The following GNPAT variants were observed in gnomAD, a reference collection of about 807,000 sequenced individuals.
GNPAT encodes glyceronephosphate O-acyltransferase.
In GNPAT, 30 loss-of-function variants were observed where a neutral mutation model predicts 78.4. The observed-to-expected ratio is 0.38, with a 90% CI of 0.29 to 0.52. The LOEUF (loss-of-function observed/expected upper bound fraction) is 0.52, where lower values mean the gene tolerates loss of function less well. Among genes scored for constraint, GNPAT ranks in the 20% least tolerant of loss-of-function variants. The pLI is 0.84. For synonymous variants in GNPAT, 271 were observed against 281.1 expected (o/e 0.96, Z 0.36); for missense variants, 714 against 812.2 (o/e 0.88, Z 1.47).
In GNPAT at chr1:231,265,800, A is replaced by G. The variant is rs761840137; in HGVS notation, c.772+13A>G. ...ACTCCTAAATTTGGTAGGTCACTAC[A>G]GATTAAAAGGAAAAATACAAACCCA... On this transcript the variant is annotated intron_variant, in intron 6 of 15. Coordinates refer to ENST00000366647, the MANE Select transcript of GNPAT (RefSeq NM_014236.4). The G allele has an allele frequency of 4.6e-6, 7 of 1,513,996 alleles. No individual in the cohort carries two copies. In the South Asian group the frequency reaches 7.9e-5, roughly 17 times the overall value. 93.8% of individuals were successfully genotyped at this position (1,513,996 alleles called of 1,614,324 possible). A position where few individuals can be genotyped will look rare whatever the true frequency, so the allele number is the denominator to read the frequency against.
At chr1:231,249,074 C>T (rs974281667) in intron 1 of GNPAT, among the ~76,000 whole-genome samples, 8 of 152,154 alleles carry the variant, frequency 5.3e-5, no homozygotes, top group Non-Finnish European at 1.2e-4. Context: ...CTTCCACTCC[C>T]AGGACCACTA....
intron 10 of GNPAT, 82 bp downstream of exon 10, chr1:231,271,082 G>A: frequency 6.8e-7 from 1 of 1,464,640 alleles, no homozygotes. Flanking sequence ...TTGAAGCCTT[G>A]TAATGTTCAG....
chr1:231,275,514 G>A lies in GNPAT; in HGVS notation c.1937+16G>A. ...AGAAGAAGATGTAAGTACTGTACAA[G>A]ATCCCATGAGTGCTCAAGGAACAAG... is the stretch of plus-strand genomic sequence containing the variant. On this transcript the variant is annotated intron_variant, in intron 14 of 15. Transcript: ENST00000366647. The A allele has an allele frequency of 7.4e-7, 1 of 1,358,672 alleles. No individual in the cohort carries two copies. The highest frequency in any genetic ancestry group is 1.1e-6 in the Non-Finnish European group (1 of 946,460). The allele number at this position is 1,358,672 out of a possible 1,614,324, so 84.2% of individuals were successfully genotyped here. A position where few individuals can be genotyped will look rare whatever the true frequency, so the allele number is the denominator to read the frequency against.
intron 1 of GNPAT, among the ~76,000 whole-genome samples, chr1:231,248,145 CAA>C (rs1202886624): frequency 6.6e-6 from 1 of 152,108 alleles, no homozygotes; most frequent in Non-Finnish European, 1.5e-5. Flanking sequence ...CTTGACTCTC[CAA>C]AAGTTTCATT....
At chr1:231,277,395 A>G (rs1337006760) in intron 15 of GNPAT, 104 bp from the exon 16 acceptor site, 1 of 789,452 alleles carries the variant, frequency 1.3e-6, no homozygotes, top group Non-Finnish European at 2.3e-6. Flanking sequence ...GAAGCTCTGC[A>G]CAAGTCTCCA....
At chr1:231,262,582 G>A (rs1252323673) in intron 3 of GNPAT, 141 bp from the exon 4 acceptor site, 7 of 701,842 alleles carry the variant, frequency 1.0e-5, no homozygotes, top group Admixed American at 4.2e-5. Context: ...AGAGCAAATC[G>A]TTTATGTGTA....
At chr1:231,262,892 A>G in intron 4 of GNPAT, 40 bp downstream of exon 4, 1 of 1,539,518 alleles carries the variant, frequency 6.5e-7, no homozygotes, top group East Asian at 2.2e-5. Context: ...GTAAAAATTA[A>G]AAAGTTCACT....
intron 8 of GNPAT, among the ~76,000 whole-genome samples, chr1:231,266,622 A>T (rs1478379384): frequency 6.6e-6 from 1 of 152,214 alleles, no homozygotes; most frequent in Non-Finnish European, 1.5e-5. Flanking sequence ...TGAGATATGT[A>T]TGTCAAATAT....
chr1:231,264,100 A>G (rs1013830654), intron 4 of GNPAT, among the ~76,000 whole-genome samples: 1 of 152,290 alleles, frequency 6.6e-6, no homozygotes. Flanking sequence ...ATGTAGTCCA[A>G]TTGATCTATT....
intron 1 of GNPAT, 44 bp downstream of exon 1, chr1:231,241,500 A>G (rs2102791592): frequency 7.4e-7 from 1 of 1,348,344 alleles, no homozygotes; most frequent in Non-Finnish European, 1.1e-6. Context: ...GCCGCGCGAA[A>G]TAGTACCCCT....
At chr1:231,258,116 T>TTCTGCAC (rs1394140024) in intron 2 of GNPAT, 1 of 152,814 alleles carries the variant, frequency 6.5e-6, no homozygotes, top group Non-Finnish European at 1.5e-5. Context: ...TTTCCCTTGG[T>TTCTGCAC]TCTGCCCTCT....
intron 1 of GNPAT, among the ~76,000 whole-genome samples, chr1:231,247,025 C>T (rs1354169989): frequency 2.6e-5 from 4 of 152,062 alleles, no homozygotes; most frequent in Non-Finnish European, 4.4e-5. Flanking sequence ...AAAAATTAGC[C>T]GGGCATGGTG....
chr1:231,268,467 C>T lies in GNPAT; in HGVS notation c.1279+564C>T, dbSNP rs550805113. Among the ~76,000 whole-genome samples the T allele has an allele frequency of 1.4e-3, 214 of 152,040 alleles. 2 individuals are homozygous for T. Among genetic ancestry groups the T allele is most frequent in the South Asian group, 6.2e-4 (3 of 4,806 alleles). On this transcript the variant is annotated intron_variant, in intron 9 of 15. Coordinates refer to ENST00000366647, the MANE Select transcript of GNPAT (RefSeq NM_014236.4). ...AATACCATTTCCTTGGCACCTAGTA[C>T]GGTGGAAAATAAAGTCATGAATCCT... is the stretch of plus-strand genomic sequence containing the variant.
chr1:231,241,528 C>T lies in GNPAT; in HGVS notation c.78+72C>T, dbSNP rs893515840. On this transcript the variant is annotated intron_variant, in intron 1 of 15. Coordinates refer to ENST00000366647, the MANE Select transcript of GNPAT (RefSeq NM_014236.4). ...GTACCCCTTTCTCCCAGTCCCTATT[C>T]CTCCGGCCCACCACCCTTGCCCAAA... 8 of 1,123,094 alleles carry T rather than the reference C, an allele frequency of 7.1e-6. No individual in the cohort carries two copies. The East Asian group carries it at 1.2e-4, about 16-fold the overall frequency. 69.6% of individuals were successfully genotyped at this position (1,123,094 alleles called of 1,614,324 possible).
At chr1:231,275,350 C>A (rs775903129) in intron 13 of GNPAT, 30 bp downstream of exon 13, 1 of 1,573,704 alleles carries the variant, frequency 6.4e-7, no homozygotes, top group East Asian at 2.2e-5. Context: ...GTGCTGATTT[C>A]TTTTAGTTGA....
At chr1:231,258,348 C>T (rs545662887) in intron 2 of GNPAT, 1 of 152,376 alleles carries the variant, frequency 6.6e-6, no homozygotes, top group East Asian at 1.9e-4. Flanking sequence ...CCTCAGGATC[C>T]CTTCTTCCAT....
intron 15 of GNPAT, among the ~76,000 whole-genome samples, chr1:231,276,583 C>G (rs1220403382): frequency 6.6e-6 from 1 of 152,154 alleles, no homozygotes; most frequent in African/African-American, 2.4e-5. Context: ...GTCAGTGTCT[C>G]TATCATGTAG....
In GNPAT at chr1:231,277,616, A is replaced by G. The variant is rs1049866012; in HGVS notation, c.*74A>G. The G allele has an allele frequency of 3.3e-5, 29 of 872,020 alleles. 1 individual carries two copies. Among genetic ancestry groups the G allele is most frequent in the South Asian group, 2.6e-4 (20 of 76,304 alleles). The allele number at this position is 872,020 out of a possible 1,614,324, so 54.0% of individuals were successfully genotyped here. Reference sequence around the variant, plus strand: ...GAAGGACTCATTACAACAAACAGGGAAGTAAAGGAAGAGACACATCCTCTC... The same window carrying G: ...GAAGGACTCATTACAACAAACAGGGGAGTAAAGGAAGAGACACATCCTCTC... On this transcript the variant is annotated 3_prime_UTR_variant, in exon 16 of 16. Coordinates refer to ENST00000366647, the MANE Select transcript of GNPAT (RefSeq NM_014236.4).
intron 4 of GNPAT, among the ~76,000 whole-genome samples, chr1:231,263,396 A>G (rs1249053186): frequency 6.6e-6 from 1 of 152,098 alleles, no homozygotes; most frequent in Non-Finnish European, 1.5e-5. Flanking sequence ...GGCAATCAGC[A>G]TTCTACTTTC....
Sources: gnomAD v4.1 joint callset for allele counts (sites outside exome capture counted in the v4.1 genomes callset) on GRCh38, gnomAD v4.1.1 for gene constraint, MANE v1.5 for transcripts, NCBI Gene and HGNC (gene_info 2026-07-23, HGNC 2026-07-21) for gene names.